TCP11: variants seen among roughly 807,000 people sequenced by gnomAD.
TCP11 encodes T-complex protein 11 homolog.
TCP11 carries 34 observed loss-of-function variants against 45.0 expected under a neutral mutation model. That is an observed-to-expected ratio of 0.76 (90% CI 0.57 to 1.01). TCP11 has a LOEUF of 1.01. TCP11 is among the 50% of genes least tolerant of loss of function. The pLI is 0.00. For synonymous variants in TCP11, 227 were observed against 227.0 expected (o/e 1.00, Z 0.00); for missense variants, 523 against 598.1 (o/e 0.87, Z 1.31).
intron 3 of TCP11, among the ~76,000 whole-genome samples, chr6:35,132,195 A>G (rs565158130): frequency 3.9e-5 from 6 of 152,318 alleles, no homozygotes; most frequent in African/African-American, 1.4e-4. Flanking sequence ...TGTAAAGAAC[A>G]TACCATGTTC....
chr6:35,121,124 G>T (rs1779190401), intron 5 of TCP11, 79 bp from the exon 6 acceptor site: 1 of 1,461,950 alleles, frequency 6.8e-7, no homozygotes, highest in Non-Finnish European at 9.1e-7. Context: ...CTGTATTTTA[G>T]AGTTAGGAGG....
At position 35,140,831 on chromosome 6, in the gene TCP11, C is replaced by A. The variant is rs774496499; in HGVS notation, c.40G>T (p.Gly14Cys). The change falls in exon 2 of 10, where the codon GGC (glycine) becomes TGC (cysteine). Residue 14 changes from glycine to cysteine, a missense_variant. Around this residue, in one of 2 missense-constraint regions of TCP11, gnomAD observed 225 missense variants for 210.2 expected, o/e 1.07. Transcript: ENST00000311875. ...VKESVPPKYP[G>C]DSEGRSCKPE... ...TTACAGGACCTGCCCTCTGAGTCGCCAGGATATTTCGGGGGCACACTCTCC... is the reference window on the plus strand; with the variant it reads ...TTACAGGACCTGCCCTCTGAGTCGCAAGGATATTTCGGGGGCACACTCTCC... 6.4e-7 allele frequency: 1 copy of A among 1,560,864 alleles called. No homozygotes were observed. The highest frequency in any genetic ancestry group is 1.2e-5 in the South Asian group (1 of 81,062).
chr6:35,136,053 T>C, intron 3 of TCP11, 54 bp downstream of exon 3: 2 of 1,405,256 alleles, frequency 1.4e-6, no homozygotes, highest in Non-Finnish European at 2.0e-6. Context: ...AAGCCATCAG[T>C]GCTAAGTACC....
intron 3 of TCP11, among the ~76,000 whole-genome samples, chr6:35,133,383 A>G (rs903654060): frequency 6.6e-6 from 1 of 152,088 alleles, no homozygotes; most frequent in Non-Finnish European, 1.5e-5. Flanking sequence ...AGGTCTCACT[A>G]TGTTGCCCAG....
chr6:35,134,978 T>A (rs1381575560), intron 3 of TCP11, among the ~76,000 whole-genome samples: 1 of 151,924 alleles, frequency 6.6e-6, no homozygotes, highest in Non-Finnish European at 1.5e-5. Flanking sequence ...AGAAACCCCA[T>A]CTCCACTAAA....
At chr6:35,124,092 C>T (rs1423951900) in intron 4 of TCP11, among the ~76,000 whole-genome samples, 1 of 152,190 alleles carries the variant, frequency 6.6e-6, no homozygotes, top group Non-Finnish European at 1.5e-5. Flanking sequence ...CCACAGCCAG[C>T]CCCTTTTCGG....
In TCP11 at chr6:35,120,137, A is replaced by G; in HGVS notation, c.1115+22T>C. On this transcript the variant is annotated intron_variant, in intron 8 of 9. Coordinates refer to ENST00000311875, the MANE Select transcript of TCP11 (RefSeq NM_001370687.1). This position sits in a 1 kb window ranked among gnomAD's most constrained non-coding sequence, Gnocchi z 4.9. ...AATACCACATATCACCTTCTACTCT[A>G]AAAAGTAACTATGCAGCTCACCTGG... 2 of 1,609,784 alleles carry G rather than the reference A, an allele frequency of 1.2e-6. No individual in the cohort carries two copies. Among genetic ancestry groups the G allele is most frequent in the Non-Finnish European group, 1.7e-6 (2 of 1,177,766 alleles).
chr6:35,133,778 G>A (rs962700711), intron 3 of TCP11, among the ~76,000 whole-genome samples: 2 of 151,022 alleles, frequency 1.3e-5, no homozygotes, highest in Non-Finnish European at 2.9e-5. Flanking sequence ...GCGACAAAGC[G>A]AGATTTCATC....
chr6:35,120,865 A>T lies in TCP11; in HGVS notation c.715+44T>A. The stretch of plus-strand genomic sequence containing the variant: ...CTCTAACATTATAAAAGTCAGACCC[A>T]AGGTAATACCTTTCCCACTCCTGCC... On this transcript the variant is annotated intron_variant, in intron 6 of 9. Coordinates refer to ENST00000311875, the MANE Select transcript of TCP11 (RefSeq NM_001370687.1). The surrounding 1 kb of genome is among the most constrained non-coding windows in gnomAD (Gnocchi z 4.9). The T allele has an allele frequency of 6.3e-7, 1 of 1,577,368 alleles. No homozygotes were observed. Among genetic ancestry groups the T allele is most frequent in the Non-Finnish European group, 8.6e-7 (1 of 1,160,488 alleles).
intron 4 of TCP11, among the ~76,000 whole-genome samples, chr6:35,123,651 CTTTTT>C (rs3045081): frequency 7.8e-6 from 1 of 128,026 alleles, no homozygotes; most frequent in Non-Finnish European, 1.6e-5. Flanking sequence ...AGTTTTCTTT[CTTTTT>C]TTTTTTTTTT....
rs761880060 is a variant in TCP11, at chr6:35,122,256, G to C, written c.439C>G (p.Gln147Glu). 3.1e-6 allele frequency: 5 copies of C among 1,614,032 alleles called. No homozygotes were observed. The highest frequency in any genetic ancestry group is 1.3e-5 in the African/African-American group (1 of 74,886). ...TTCAGGGCCCCATGTTCTGCCTCCT[G>C]CTTGAGCAAGTCCATGTCCAGAGCT... Reference protein sequence around the residue: ...EEALDMDLLKQEAEHGALKVL... With the variant: ...EEALDMDLLKEEAEHGALKVL... The change falls in exon 5 of 10, where the codon CAG becomes GAG. Residue 147 changes from glutamine (Q) to glutamate (E), a missense_variant. Physicochemically the swap from Gln to Glu is conservative, Grantham distance 29. This residue lies in a region of TCP11 where 225 missense variants were observed against 210.2 expected (regional missense o/e 1.07). Transcript: ENST00000311875.
intron 3 of TCP11, among the ~76,000 whole-genome samples, chr6:35,135,399 C>T (rs1242917579): frequency 1.3e-5 from 2 of 152,080 alleles, no homozygotes; most frequent in Non-Finnish European, 2.9e-5. Flanking sequence ...GGCCAAGAGT[C>T]AGCAGACTGA....
chr6:35,123,651 CTTTTTT>C (rs3045081), intron 4 of TCP11, among the ~76,000 whole-genome samples: 1 of 128,028 alleles, frequency 7.8e-6, no homozygotes, highest in Non-Finnish European at 1.6e-5. Flanking sequence ...AGTTTTCTTT[CTTTTTT>C]TTTTTTTTTT....
chr6:35,121,548 C>T (rs1779251707), intron 5 of TCP11, among the ~76,000 whole-genome samples: 1 of 151,002 alleles, frequency 6.6e-6, no homozygotes. Context: ...CAAGGTCGCT[C>T]ATGCCTGTAA....
At chr6:35,134,003 GA>G (rs532927168) in intron 3 of TCP11, among the ~76,000 whole-genome samples, 2 of 151,722 alleles carry the variant, frequency 1.3e-5, no homozygotes, top group African/African-American at 2.4e-5. Context: ...GAAGCTGGGG[GA>G]AAAAAAATCC....
chr6:35,126,863 A>C (rs1779888028), intron 4 of TCP11, among the ~76,000 whole-genome samples: 1 of 151,750 alleles, frequency 6.6e-6, no homozygotes, highest in Non-Finnish European at 1.5e-5. Context: ...TCACCACATT[A>C]CCCAAGCTGG....
chr6:35,120,183 G>A lies in TCP11; in HGVS notation c.1091C>T (p.Ser364Phe), dbSNP rs756781573. Residue 364 changes from serine (S) to phenylalanine (F), a missense_variant, in exon 8 of 10, where the codon TCC becomes TTC. By Grantham distance (155) the Ser-to-Phe change is radical. Coordinates refer to ENST00000311875, the MANE Select transcript of TCP11 (RefSeq NM_001370687.1). This position sits in a 1 kb window ranked among gnomAD's most constrained non-coding sequence, Gnocchi z 4.9. ...FVDKLKRITK[S>F]LLEDFHSRPE... Reference sequence around the variant, plus strand: ...CCTGGAGTGAAAGTCTTCCAACAAGGATTTGGTTATGCGTTTCAGTTTATC... The same window carrying A: ...CCTGGAGTGAAAGTCTTCCAACAAGAATTTGGTTATGCGTTTCAGTTTATC... 30 of 1,614,134 alleles carry A rather than the reference G, an allele frequency of 1.9e-5. No individual in the cohort carries two copies. The highest frequency in any genetic ancestry group is 2.5e-5 in the Non-Finnish European group (30 of 1,180,032).
chr6:35,124,799 A>T (rs985711390), intron 4 of TCP11, among the ~76,000 whole-genome samples: 2 of 152,112 alleles, frequency 1.3e-5, no homozygotes, highest in Non-Finnish European at 2.9e-5. Flanking sequence ...CAAAAGAACA[A>T]AGTTGGACCT....
At position 35,133,091 on chromosome 6, in the gene TCP11, T is replaced by C. The variant is rs187533831; in HGVS notation, c.236+3016A>G. 2.0e-5 allele frequency among the ~76,000 whole-genome samples: 3 copies of C among 152,338 alleles called. No individual in the cohort carries two copies. The East Asian group carries it at 5.8e-4, about 29-fold the overall frequency. On this transcript the variant is annotated intron_variant, in intron 3 of 9. Coordinates refer to ENST00000311875, the MANE Select transcript of TCP11 (RefSeq NM_001370687.1). Reference sequence around the variant, plus strand: ...AAGGACGCAAATGAATCACGAGTTGTTATTATTTGTCTTTTGGTGGAAAAT... The same window carrying C: ...AAGGACGCAAATGAATCACGAGTTGCTATTATTTGTCTTTTGGTGGAAAAT...
Sources: allele counts gnomAD v4.1 joint callset (sites outside exome capture counted in the v4.1 genomes callset), GRCh38; gene constraint gnomAD v4.1.1; regional missense constraint gnomAD v4.1.1; non-coding constraint Gnocchi (gnomAD v3.1); transcripts MANE v1.5; gene names NCBI Gene and HGNC (gene_info 2026-07-23, HGNC 2026-07-21).